DLG4: variants seen among roughly 807,000 people sequenced by gnomAD.
DLG4 encodes disks large homolog 4.
DLG4 carries 7 observed loss-of-function variants against 93.8 expected under a neutral mutation model. The observed-to-expected ratio is 0.07, with a 90% CI of 0.04 to 0.14. The LOEUF is 0.14. Among genes scored for constraint, DLG4 ranks in the 10% least tolerant of loss-of-function variants. The probability of loss-of-function intolerance (pLI) is 1.00; values close to 1 mark genes in which losing one functional copy is unlikely to be tolerated. For synonymous variants in DLG4, 341 were observed against 387.6 expected, an observed-to-expected ratio of 0.88 and a Z score of 1.41; for missense variants, 545 against 992.9, an observed-to-expected ratio of 0.55 and a Z score of 6.06.
rs771733616 is a variant in DLG4, at chr17:7,191,256, T to G, written c.2068+11A>C. 1.9e-6 allele frequency: 3 copies of G among 1,613,672 alleles called. No homozygotes were observed. In the East Asian group the frequency reaches 6.7e-5, roughly 36 times the overall value. ...CCCTACATGCTGGCAACAGCCTTGC[T>G]GTGGCCTCACCTGAGAAGCACTCTG... On this transcript the variant is annotated intron_variant, in intron 19 of 19. Transcript: ENST00000399506. This position sits in a 1 kb window ranked among gnomAD's most constrained non-coding sequence, Gnocchi z 6.6.
At chr17:7,217,685 T>A, upstream of DLG4, 2 of 1,517,648 alleles carry the variant, frequency 1.3e-6, no homozygotes, top group Non-Finnish European at 8.8e-7. Context: ...GGGGGGTGCC[T>A]TGGCAGAGTT....
In DLG4 at chr17:7,189,502, A is replaced by C. The variant is rs139300962; in HGVS notation, c.*1206T>G. On this transcript the variant is annotated 3_prime_UTR_variant, in exon 20 of 20. Transcript: ENST00000399506. ...AGACTCTGTCTCAAAAAAAAAAACA[A>C]AAAAACAAAAAAAATCATTTCCAGA... is the stretch of plus-strand genomic sequence containing the variant. Among the ~76,000 whole-genome samples, 36 of 151,864 alleles carry C rather than the reference A, an allele frequency of 2.4e-4. No homozygotes were observed. Among genetic ancestry groups the C allele is most frequent in the African/African-American group, 6.3e-4 (26 of 41,188 alleles).
Position 7,217,149 on chromosome 17 carries a change from T to C in DLG4, c.-2A>G. On this transcript the variant is annotated 5_prime_UTR_variant, in exon 1 of 20. Coordinates refer to ENST00000399506, the MANE Select transcript of DLG4 (RefSeq NM_001321075.3). ...TGTCACTATACAGAGACAGTCCATG[T>C]TGGGGGGCCTGGCCGCGGCGGCGGG... The C allele has an allele frequency of 2.3e-6, 3 of 1,290,184 alleles. No individual in the cohort carries two copies. The highest frequency in any genetic ancestry group is 3.0e-6 in the Non-Finnish European group (3 of 1,015,406). The allele number at this position is 1,290,184 out of a possible 1,614,324, so 79.9% of individuals were successfully genotyped here.
At chr17:7,198,711 A>C (rs1371582630) in intron 8 of DLG4, among the ~76,000 whole-genome samples, 1 of 148,704 alleles carries the variant, frequency 6.7e-6, no homozygotes, top group Non-Finnish European at 1.5e-5. Flanking sequence ...AGCTGGGCGC[A>C]GTGGCAGGGC....
In DLG4 at chr17:7,202,983, T is replaced by G; in HGVS notation, c.707A>C (p.Tyr236Ser). 1 of 1,613,864 alleles carries G rather than the reference T, an allele frequency of 6.2e-7. No homozygotes were observed. Among genetic ancestry groups the G allele is most frequent in the Non-Finnish European group, 8.5e-7 (1 of 1,179,750 alleles). The change falls in exon 8 of 20, where the codon TAT (tyrosine) becomes TCT (serine). Residue 236 changes from tyrosine to serine, a missense_variant. Physicochemically the swap from Tyr to Ser is moderately radical, Grantham distance 144. Around this residue, in one of 5 missense-constraint regions of DLG4, gnomAD observed 428 missense variants for 741.4 expected, o/e 0.58. Coordinates refer to ENST00000399506, the MANE Select transcript of DLG4 (RefSeq NM_001321075.3). The stretch of plus-strand genomic sequence containing the variant: ...GGCCACCTTTAGGTAGACAACATCA[T>G]ACGTGTTCTTCAGGGCTGCCACAGC... ...EDAVAALKNTYDVVYLKVAKP... is the reference protein window; with the variant it reads ...EDAVAALKNTSDVVYLKVAKP...
Position 7,197,053 on chromosome 17 carries a change from C to CT in DLG4, c.788-2dup, listed in dbSNP as rs751501008. On this transcript the variant is annotated splice_acceptor_variant, in intron 8 of 19. Transcript: ENST00000399506. LOFTEE classifies it high-confidence loss of function. ...TCATTGTCCAGGTGCTGGGAATAAG[C>CT]TGAGGAAGACAGGGCAGAGATGAAA... 4 of 1,603,224 alleles carry CT rather than the reference C, an allele frequency of 2.5e-6. No individual in the cohort carries two copies. The African/African-American group carries it at 4.0e-5, about 16-fold the overall frequency.
rs2069742779 is a variant in DLG4 at position 7,195,748 on chromosome 17, A to G, written c.1301+472T>C. ...CGGGAGAGAGGTGTGTTTTGGCAGA[A>G]ACCTAAGCCACAAAAAGAGTCAATG... On this transcript the variant is annotated intron_variant, in intron 11 of 19. Transcript: ENST00000399506. The surrounding 1 kb of genome is among the most constrained non-coding windows in gnomAD (Gnocchi z 4.3). Among the ~76,000 whole-genome samples, 1 of 152,146 alleles carries G rather than the reference A, an allele frequency of 6.6e-6. No homozygotes were observed. The highest frequency in any genetic ancestry group is 2.4e-5 in the African/African-American group (1 of 41,436).
Position 7,194,253 on chromosome 17 carries a change from C to A in DLG4, c.1478+66G>T. 1.3e-6 allele frequency: 2 copies of A among 1,538,340 alleles called. No homozygotes were observed. ...GCAAACCCATCCCCTGTTGGCTGCC[C>A]ACCCCGGGGGACCTTGGGAACTTCA... On this transcript the variant is annotated intron_variant, in intron 12 of 19. Transcript: ENST00000399506. This position sits in a 1 kb window ranked among gnomAD's most constrained non-coding sequence, Gnocchi z 4.4.
In DLG4 at chr17:7,188,937, C is replaced by A. The variant is rs2069367172; in HGVS notation, c.*1771G>T. Among the ~76,000 whole-genome samples the A allele has an allele frequency of 6.6e-6, 1 of 151,924 alleles. No individual in the cohort carries two copies. Among genetic ancestry groups the A allele is most frequent in the South Asian group, 2.1e-4 (1 of 4,824 alleles). On this transcript the variant is annotated 3_prime_UTR_variant, in exon 20 of 20. Coordinates refer to ENST00000399506, the MANE Select transcript of DLG4 (RefSeq NM_001321075.3). ...GACCAGCCTGGCCAACAAAGCAAAA[C>A]CCCATCTCTACTAAAAATACAAAAA...
chr17:7,217,853 T>G, upstream of DLG4: 1 of 1,527,126 alleles, frequency 6.5e-7, no homozygotes, highest in Non-Finnish European at 8.8e-7. Context: ...GAAGCATCTA[T>G]AGTTGGGCTG....
upstream of DLG4, chr17:7,219,931 G>GGACGCGGGCGTGCAA (rs1393867139): frequency 6.3e-7 from 1 of 1,575,666 alleles, no homozygotes. Context: ...TGGGCGTGCA[G>GGACGCGGGCGTGCAA]GACGCCAGAG....
In DLG4 at chr17:7,208,067, T is replaced by C. The variant is rs772898547; in HGVS notation, c.96+107A>G. The C allele has an allele frequency of 2.3e-6, 3 of 1,308,508 alleles. No individual in the cohort carries two copies. The African/African-American group carries it at 4.5e-5, about 20-fold the overall frequency. 81.1% of individuals were successfully genotyped at this position (1,308,508 alleles called of 1,614,324 possible). ...CGCACTGGGGAGGGGGCCACCAGGGTCTCCTACCTTGAAGGGGGAGAGGTG... is the reference window on the plus strand; with the variant it reads ...CGCACTGGGGAGGGGGCCACCAGGGCCTCCTACCTTGAAGGGGGAGAGGTG... On this transcript the variant is annotated intron_variant, in intron 2 of 19. Coordinates refer to ENST00000399506, the MANE Select transcript of DLG4 (RefSeq NM_001321075.3). The surrounding 1 kb of genome is among the most constrained non-coding windows in gnomAD (Gnocchi z 5.4).
rs201971754 is a variant in DLG4, at chr17:7,189,508, CA to C, written c.*1199del. Among the ~76,000 whole-genome samples, 1 of 151,434 alleles carries C rather than the reference CA, an allele frequency of 6.6e-6. No homozygotes were observed. Among genetic ancestry groups the C allele is most frequent in the East Asian group, 1.9e-4 (1 of 5,176 alleles). On this transcript the variant is annotated 3_prime_UTR_variant, in exon 20 of 20. Coordinates refer to ENST00000399506, the MANE Select transcript of DLG4 (RefSeq NM_001321075.3). ...TGTCTCAAAAAAAAAAACAAAAAAA[CA>C]AAAAAAATCATTTCCAGATCCTAGC...
chr17:7,193,008 G>A lies in DLG4; in HGVS notation c.1803C>T (p.Ala601=), dbSNP rs376655135. 2.5e-6 allele frequency: 4 copies of A among 1,613,704 alleles called. No individual in the cohort carries two copies. The highest frequency in any genetic ancestry group is 1.7e-5 in the Admixed American group (1 of 59,988). The change falls in exon 17 of 20, where the codon GCC becomes GCT. Residue 601 remains alanine, a synonymous_variant. Transcript: ENST00000399506. This position sits in a 1 kb window ranked among gnomAD's most constrained non-coding sequence, Gnocchi z 6.7. ...KDIQAHKFIE[A]GQYNSHLYGT... The stretch of plus-strand genomic sequence containing the variant: ...CATAGAGGTGGCTGTTGTACTGGCC[G>A]GCCTCAATGAACTTGTGCGCCTGAA...
Position 7,208,431 on chromosome 17 carries a change from G to A in DLG4, c.31-192C>T, listed in dbSNP as rs1001956448. Among the ~76,000 whole-genome samples, 2 of 149,108 alleles carry A rather than the reference G, an allele frequency of 1.3e-5. No individual in the cohort carries two copies. Among genetic ancestry groups the A allele is most frequent in the African/African-American group, 2.5e-5 (1 of 40,274 alleles). ...CACTCTCCCAACAGCCCCCTCTCCC[G>A]CCAGGGCCTCAGCACCTCTCATCAA... On this transcript the variant is annotated intron_variant, in intron 1 of 19. Transcript: ENST00000399506. This position sits in a 1 kb window ranked among gnomAD's most constrained non-coding sequence, Gnocchi z 5.4.
At chr17:7,215,108 C>T (rs1159743488) in intron 1 of DLG4, among the ~76,000 whole-genome samples, 1 of 152,202 alleles carries the variant, frequency 6.6e-6, no homozygotes, top group Non-Finnish European at 1.5e-5. Context: ...CAACTCCCAA[C>T]AGCGCCATGG....
intron 1 of DLG4, among the ~76,000 whole-genome samples, chr17:7,212,858 C>G (rs983255372): frequency 3.3e-5 from 5 of 151,986 alleles, no homozygotes; most frequent in African/African-American, 1.2e-4. Flanking sequence ...GATGGTGAAA[C>G]CCCATCTCTA....
rs1277389793 is a variant in DLG4 at position 7,188,401 on chromosome 17, G to A, written c.*2307C>T. ...AAAAATGCCCTTTTGCACTGTTTGG[G>A]ATTTAACCACCATAACTCTTAGGGC... On this transcript the variant is annotated 3_prime_UTR_variant, in exon 20 of 20. Coordinates refer to ENST00000399506, the MANE Select transcript of DLG4 (RefSeq NM_001321075.3). 1.3e-5 allele frequency among the ~76,000 whole-genome samples: 2 copies of A among 152,078 alleles called. No homozygotes were observed. Among genetic ancestry groups the A allele is most frequent in the African/African-American group, 4.8e-5 (2 of 41,396 alleles).
chr17:7,210,100 A>C (rs559250515), intron 1 of DLG4, among the ~76,000 whole-genome samples: 2 of 152,336 alleles, frequency 1.3e-5, no homozygotes, highest in African/African-American at 4.8e-5. Context: ...TGAGAGGCTG[A>C]GAGTGCCCTA....
Sources: allele counts gnomAD v4.1 joint callset (sites outside exome capture counted in the v4.1 genomes callset), GRCh38; gene constraint gnomAD v4.1.1; regional missense constraint gnomAD v4.1.1; non-coding constraint Gnocchi (gnomAD v3.1); transcripts MANE v1.5; gene names NCBI Gene and HGNC (gene_info 2026-07-23, HGNC 2026-07-21).